PTPRK: variants seen among roughly 807,000 people sequenced by gnomAD.
The protein encoded by PTPRK is protein tyrosine phosphatase receptor type K.
In PTPRK, 75 loss-of-function variants were observed where a neutral mutation model predicts 178.0. That is an observed-to-expected ratio of 0.42 (90% CI 0.35 to 0.51). The LOEUF (loss-of-function observed/expected upper bound fraction) is 0.51. Ranked by LOEUF, PTPRK falls within the 20% of genes least tolerant of loss-of-function variation. The pLI, the probability that PTPRK is intolerant of heterozygous loss-of-function variation, is 0.02. For synonymous variants in PTPRK, 637 were observed against 620.6 expected (o/e 1.03, Z -0.39); for missense variants, 1,441 against 1,797.8 (o/e 0.80, Z 3.59).
chr6:128,028,266 TA>T (rs748225502), intron 13 of PTPRK, among the ~76,000 whole-genome samples: 2 of 151,892 alleles, frequency 1.3e-5, no homozygotes, highest in African/African-American at 2.4e-5. Context: ...AAGCACCTGA[TA>T]AAAAAAAGGA....
intron 1 of PTPRK, among the ~76,000 whole-genome samples, chr6:128,447,465 T>C (rs1470523913): frequency 1.3e-5 from 2 of 152,110 alleles, no homozygotes; most frequent in Non-Finnish European, 2.9e-5. Flanking sequence ...GAAAGTAAGA[T>C]TTAGAGATGT....
chr6:128,290,932 A>G lies in PTPRK; in HGVS notation c.495+31107T>C, dbSNP rs189035550. 2.2e-4 allele frequency among the ~76,000 whole-genome samples: 33 copies of G among 152,216 alleles called. No individual in the cohort carries two copies. In the East Asian group the frequency reaches 6.0e-3, roughly 28 times the overall value. Reference sequence around the variant, plus strand: ...TCTTTTTTTTGCTGTTAATCTTCAGAACAGTCTCATTTTATAAATAAGGAA... The same window carrying G: ...TCTTTTTTTTGCTGTTAATCTTCAGGACAGTCTCATTTTATAAATAAGGAA... On this transcript the variant is annotated intron_variant, in intron 3 of 29. Transcript: ENST00000368226.
intron 3 of PTPRK, among the ~76,000 whole-genome samples, chr6:128,264,471 C>T (rs1452785958): frequency 6.6e-6 from 1 of 151,980 alleles, no homozygotes; most frequent in Non-Finnish European, 1.5e-5. Flanking sequence ...TTATAGTTTA[C>T]AAAGTATTTT....
Position 127,995,449 on chromosome 6 carries a change from T to C in PTPRK, c.2844+13A>G. ...CCAATAAAGTAGACATACTTAACTA[T>C]AAAAATACTTACATCAATATAGTTG... On this transcript the variant is annotated intron_variant, in intron 18 of 29. Transcript: ENST00000368226. 6.4e-7 allele frequency: 1 copy of C among 1,559,930 alleles called. No homozygotes were observed. The highest frequency in any genetic ancestry group is 8.8e-7 in the Non-Finnish European group (1 of 1,138,244).
chr6:128,151,602 C>G (rs1350758311), intron 7 of PTPRK, among the ~76,000 whole-genome samples: 1 of 151,840 alleles, frequency 6.6e-6, no homozygotes, highest in Non-Finnish European at 1.5e-5. Flanking sequence ...ACCTATTTGT[C>G]AGAAGGTAGC....
intron 3 of PTPRK, among the ~76,000 whole-genome samples, chr6:128,271,349 C>G (rs866482115): frequency 6.6e-6 from 1 of 152,124 alleles, no homozygotes. Context: ...GGAGAGGGGA[C>G]CGGCCTGGTG....
chr6:128,468,255 A>T (rs9491958), intron 1 of PTPRK, among the ~76,000 whole-genome samples: 12,522 of 152,200 alleles, frequency 0.082, 777 homozygotes, highest in African/African-American at 0.17. Context: ...GGGGCTCACA[A>T]TTTGTAGGAA....
chr6:128,135,346 C>G (rs998089245), intron 7 of PTPRK, among the ~76,000 whole-genome samples: 2 of 150,958 alleles, frequency 1.3e-5, no homozygotes, highest in African/African-American at 5.0e-5. Flanking sequence ...GACCCAAGAG[C>G]AGTGGTGCTC....
chr6:128,350,312 G>GT (rs1426812652), intron 2 of PTPRK, among the ~76,000 whole-genome samples: 5 of 152,180 alleles, frequency 3.3e-5, no homozygotes, highest in Non-Finnish European at 7.3e-5. Flanking sequence ...AGCCTTCAGT[G>GT]TTTTGTAAGA....
At chr6:128,422,691 A>C (rs918290948) in intron 1 of PTPRK, among the ~76,000 whole-genome samples, 9 of 150,744 alleles carry the variant, frequency 6.0e-5, no homozygotes, top group Non-Finnish European at 1.2e-4. Flanking sequence ...AAAAAAAAAA[A>C]AAAAAAAAAA....
chr6:128,158,203 C>G (rs182926151), intron 7 of PTPRK, among the ~76,000 whole-genome samples: 2 of 151,590 alleles, frequency 1.3e-5, no homozygotes, highest in East Asian at 3.9e-4. Flanking sequence ...AGGTGGGAAT[C>G]GAACAATGAG....
At chr6:128,217,598 C>T (rs1809574486) in intron 6 of PTPRK, among the ~76,000 whole-genome samples, 1 of 152,124 alleles carries the variant, frequency 6.6e-6, no homozygotes, top group African/African-American at 2.4e-5. Context: ...GTATTAAAAA[C>T]AAGACAATAT....
intron 3 of PTPRK, among the ~76,000 whole-genome samples, chr6:128,292,590 C>T (rs1372390046): frequency 1.3e-5 from 2 of 152,146 alleles, no homozygotes; most frequent in Non-Finnish European, 2.9e-5. Flanking sequence ...ACATTTCTTT[C>T]ACAACTCGGT....
chr6:128,273,528 C>T (rs1820232287), intron 3 of PTPRK, among the ~76,000 whole-genome samples: 1 of 152,110 alleles, frequency 6.6e-6, no homozygotes, highest in African/African-American at 2.4e-5. Flanking sequence ...ACTAAACAAC[C>T]TACTGAGATC....
At chr6:128,163,923 G>C (rs1799026105) in intron 7 of PTPRK, among the ~76,000 whole-genome samples, 2 of 151,452 alleles carry the variant, frequency 1.3e-5, no homozygotes, top group Admixed American at 1.3e-4. Context: ...TTAGAGAGTA[G>C]TGAAGTGGGA....
At chr6:128,090,094 A>G (rs909892083) in intron 7 of PTPRK, 102 bp from the exon 8 acceptor site, 1 of 919,804 alleles carries the variant, frequency 1.1e-6, no homozygotes, top group African/African-American at 1.7e-5. Flanking sequence ...AATCTAGAAA[A>G]TGTGGAAGTC....
chr6:128,302,523 T>C (rs1224730919), intron 3 of PTPRK, among the ~76,000 whole-genome samples: 1 of 151,856 alleles, frequency 6.6e-6, no homozygotes, highest in Non-Finnish European at 1.5e-5. Flanking sequence ...ACCAGTCTTC[T>C]AGGCTAAAGT....
chr6:128,126,144 C>T (rs1470836620), intron 7 of PTPRK, among the ~76,000 whole-genome samples: 1 of 151,690 alleles, frequency 6.6e-6, no homozygotes, highest in Non-Finnish European at 1.5e-5. Flanking sequence ...TGGTTGGCTG[C>T]ACCTATCAAC....
chr6:128,475,991 T>G (rs565599728), intron 1 of PTPRK, among the ~76,000 whole-genome samples: 6 of 152,098 alleles, frequency 3.9e-5, no homozygotes, highest in African/African-American at 1.2e-4. Context: ...ACTCAGCACT[T>G]AGAATTCTTT....
Sources: gnomAD v4.1 joint callset for allele counts (sites outside exome capture counted in the v4.1 genomes callset) on GRCh38, gnomAD v4.1.1 for gene constraint, MANE v1.5 for transcripts, NCBI Gene and HGNC (gene_info 2026-07-23, HGNC 2026-07-21) for gene names.